The following EYS variants were observed in gnomAD, a reference collection of about 807,000 sequenced individuals.
The protein encoded by EYS is EGF-like photoreceptor maintenance factor, also known as protein eyes shut homolog.
EYS carries 250 observed loss-of-function variants against 282.1 expected under a neutral mutation model. That is an observed-to-expected ratio of 0.89 (90% confidence interval 0.80 to 0.98). The LOEUF (loss-of-function observed/expected upper bound fraction) is 0.98. Ranked by LOEUF, EYS falls within the 50% of genes least tolerant of loss-of-function variation. EYS has a pLI of 0.00. For synonymous variants in EYS, 1,355 were observed against 1,282.9 expected (o/e 1.06, Z -1.20); for missense variants, 4,016 against 3,709.0 (o/e 1.08, Z -2.15).
chr6:65,496,382 T>C (rs1766259038), intron 2 of EYS, among the ~76,000 whole-genome samples: 1 of 152,130 alleles, frequency 6.6e-6, no homozygotes, highest in African/African-American at 2.4e-5. Context: ...GACCTATTTT[T>C]TTTTAAAAGG....
intron 1 of EYS, among the ~76,000 whole-genome samples, chr6:65,643,924 A>G (rs1366543703): frequency 6.6e-6 from 1 of 152,162 alleles, no homozygotes; most frequent in African/African-American, 2.4e-5. Context: ...TCTGAACAGC[A>G]GCTCTTGAGT....
intron 13 of EYS, among the ~76,000 whole-genome samples, chr6:65,034,448 C>A (rs1158455769): frequency 2.0e-5 from 3 of 152,164 alleles, no homozygotes; most frequent in East Asian, 1.9e-4. Flanking sequence ...GGAAATGGGG[C>A]CTGGTGGGAG....
chr6:65,347,151 A>G (rs900781739), intron 9 of EYS, among the ~76,000 whole-genome samples: 7 of 151,788 alleles, frequency 4.6e-5, no homozygotes, highest in South Asian at 2.1e-4. Context: ...CCAGCAATGG[A>G]TAGTCATTAA....
intron 2 of EYS, among the ~76,000 whole-genome samples, chr6:65,601,516 G>A (rs976798032): frequency 7.3e-5 from 11 of 151,546 alleles, no homozygotes; most frequent in Admixed American, 2.0e-4. Context: ...TCAAAATATC[G>A]ATAATAAGAA....
At chr6:64,874,590 G>A (rs1399899935) in intron 19 of EYS, among the ~76,000 whole-genome samples, 1 of 151,998 alleles carries the variant, frequency 6.6e-6, no homozygotes, top group Non-Finnish European at 1.5e-5. Context: ...GATGATTTTA[G>A]GAAGTAAAAT....
intron 22 of EYS, among the ~76,000 whole-genome samples, chr6:64,691,951 T>G (rs1562137675): frequency 6.6e-6 from 1 of 152,154 alleles, no homozygotes; most frequent in Non-Finnish European, 1.5e-5. Context: ...AATAGCACAG[T>G]GACAAACACA....
At chr6:64,152,339 T>G (rs1161054753) in intron 31 of EYS, among the ~76,000 whole-genome samples, 1 of 152,174 alleles carries the variant, frequency 6.6e-6, no homozygotes, top group Non-Finnish European at 1.5e-5. Flanking sequence ...GGGTATTTTC[T>G]CTTGATGAAT....
At chr6:65,091,410 A>G (rs1774560076) in intron 12 of EYS, among the ~76,000 whole-genome samples, 1 of 151,602 alleles carries the variant, frequency 6.6e-6, no homozygotes, top group South Asian at 2.1e-4. Context: ...AGATCACTCC[A>G]TTGCACTCCA....
At chr6:65,568,289 T>C (rs1764353781) in intron 2 of EYS, among the ~76,000 whole-genome samples, 1 of 123,486 alleles carries the variant, frequency 8.1e-6, no homozygotes, top group South Asian at 2.8e-4. Context: ...AGCTCCCACT[T>C]TCTTTTTTTC....
At chr6:64,473,073 T>A (rs963473844) in intron 26 of EYS, among the ~76,000 whole-genome samples, 1 of 152,202 alleles carries the variant, frequency 6.6e-6, no homozygotes, top group African/African-American at 2.4e-5. Context: ...CATTTATTAG[T>A]CAACTTATAC....
At chr6:63,851,145 C>T (rs1379798439) in intron 36 of EYS, among the ~76,000 whole-genome samples, 3 of 152,110 alleles carry the variant, frequency 2.0e-5, no homozygotes, top group African/African-American at 4.8e-5. Context: ...ATATACGCAC[C>T]CAATACAGGA....
chr6:64,824,099 C>G (rs891153249), intron 19 of EYS, among the ~76,000 whole-genome samples: 1 of 151,838 alleles, frequency 6.6e-6, no homozygotes, highest in Non-Finnish European at 1.5e-5. Flanking sequence ...ATTATCTTCA[C>G]TCTGAGACCA....
chr6:65,510,548 G>A (rs1766829892), intron 2 of EYS, among the ~76,000 whole-genome samples: 1 of 152,054 alleles, frequency 6.6e-6, no homozygotes, highest in Non-Finnish European at 1.5e-5. Flanking sequence ...GACTGAAGTA[G>A]AGTGCTGGGT....
At chr6:64,394,763 A>C (rs985216467) in intron 28 of EYS, among the ~76,000 whole-genome samples, 3 of 152,120 alleles carry the variant, frequency 2.0e-5, no homozygotes, top group African/African-American at 7.2e-5. Flanking sequence ...ATGGCAACAA[A>C]AGACAAAATT....
chr6:63,736,557 C>G (rs1768918274), intron 41 of EYS, among the ~76,000 whole-genome samples: 1 of 152,136 alleles, frequency 6.6e-6, no homozygotes, highest in South Asian at 2.1e-4. Flanking sequence ...TTAGGATTGA[C>G]TTGGCGATGC....
intron 12 of EYS, among the ~76,000 whole-genome samples, chr6:65,171,227 A>C (rs2150227514): frequency 6.6e-6 from 1 of 151,732 alleles, no homozygotes; most frequent in Non-Finnish European, 1.5e-5. Flanking sequence ...TGATTTCCTA[A>C]TTATTGGGTC....
Position 65,495,423 on chromosome 6 carries a change from GTATTTTACAGTTTATCA to G in EYS, c.-30_-14del. Reference sequence around the variant, plus strand: ...ATTTGTCAGTCATTTTCGGGTAGCTGTATTTTACAGTTTATCATAAAGAATTGCTGCAAAATGGTGTT... The same window carrying G: ...ATTTGTCAGTCATTTTCGGGTAGCTGTAAAGAATTGCTGCAAAATGGTGTT... On this transcript the variant is annotated 5_prime_UTR_variant, in exon 4 of 43. An upstream start codon of the reference 5' UTR is lost. Transcript: ENST00000503581. 6.2e-7 allele frequency: 1 copy of G among 1,605,802 alleles called. No individual in the cohort carries two copies. The highest frequency in any genetic ancestry group is 1.1e-5 in the South Asian group (1 of 91,064).
chr6:64,110,075 G>A (rs3013172), intron 31 of EYS, among the ~76,000 whole-genome samples: 2,049 of 152,006 alleles, frequency 0.013, 34 homozygotes, highest in African/African-American at 0.047. Context: ...CAGAATATAG[G>A]CTTCTGTTGG....
At chr6:64,634,031 T>G (rs899446229) in intron 22 of EYS, among the ~76,000 whole-genome samples, 3 of 152,184 alleles carry the variant, frequency 2.0e-5, no homozygotes, top group African/African-American at 7.2e-5. Context: ...ACATCCAGGC[T>G]GGAGAGCAGT....
Sources: allele counts gnomAD v4.1 joint callset (sites outside exome capture counted in the v4.1 genomes callset), GRCh38; gene constraint gnomAD v4.1.1; transcripts MANE v1.5; gene names NCBI Gene and HGNC (gene_info 2026-07-23, HGNC 2026-07-21).